The following ADI1 variants were observed in gnomAD, a reference collection of about 807,000 sequenced individuals.
The protein encoded by ADI1 is acireductone dioxygenase 1.
Under a neutral mutation model 18.7 loss-of-function variants are expected in ADI1, and 21 were observed. The ratio of observed to expected loss-of-function variants is 1.13; its 90% CI spans 0.80 to 1.62. ADI1 has a LOEUF of 1.62. Among genes scored for constraint, ADI1 ranks in the 40% most tolerant of loss-of-function variants. ADI1 has a pLI of 0.00. For missense variants in ADI1, 245 were observed against 254.9 expected (o/e 0.96, Z 0.26); for synonymous variants, 90 against 100.1 (o/e 0.90, Z 0.60).
chr2:3,514,199 C>T lies in ADI1; in HGVS notation c.121-223G>A, dbSNP rs112951619. ...TGGAGTTCTGTTTGATTTCTGCCTC[C>T]CTTCTCTGCAACAGTCCATCCCAGG... On this transcript the variant is annotated intron_variant, in intron 1 of 3. Coordinates refer to ENST00000327435, the MANE Select transcript of ADI1 (RefSeq NM_018269.4). Among the ~76,000 whole-genome samples the T allele has an allele frequency of 8.8e-3, 1,338 of 152,310 alleles. 18 individuals are homozygous for T. Among genetic ancestry groups the T allele is most frequent in the African/African-American group, 0.03 (1,257 of 41,568 alleles).
chr2:3,499,369 G>C (rs113513308), intron 3 of ADI1, among the ~76,000 whole-genome samples: 2,475 of 152,272 alleles, frequency 0.016, 67 homozygotes, highest in African/African-American at 0.054. Context: ...ACACAGTCAG[G>C]AAAAGCACTG....
At chr2:3,506,641 G>A (rs1667183088) in intron 2 of ADI1, among the ~76,000 whole-genome samples, 1 of 152,162 alleles carries the variant, frequency 6.6e-6, no homozygotes, top group Non-Finnish European at 1.5e-5. Flanking sequence ...TATAGGTTCA[G>A]TACAATCCAA....
intron 1 of ADI1, among the ~76,000 whole-genome samples, chr2:3,514,278 C>A (rs541112006): frequency 1.8e-4 from 28 of 152,322 alleles, no homozygotes; most frequent in African/African-American, 6.7e-4. Flanking sequence ...GCCTTTCTGT[C>A]CACTCCACAG....
intron 2 of ADI1, among the ~76,000 whole-genome samples, chr2:3,506,614 T>C (rs1042855572): frequency 7.2e-5 from 11 of 152,236 alleles, no homozygotes; most frequent in Non-Finnish European, 1.5e-4. Flanking sequence ...AAGATGTCCA[T>C]TTTTCCAAAC....
At position 3,498,946 on chromosome 2, in the gene ADI1, G is replaced by T. The variant is rs760815269; in HGVS notation, c.*17C>A. 1 of 1,599,960 alleles carries T rather than the reference G, an allele frequency of 6.3e-7. No individual in the cohort carries two copies. The highest frequency in any genetic ancestry group is 8.6e-7 in the Non-Finnish European group (1 of 1,169,352). ...GGGGACCTTTACGAGGCACGTGTTA[G>T]TTCCCAGGCAGCACTGCTAGGCGGT... is the stretch of plus-strand genomic sequence containing the variant. On this transcript the variant is annotated 3_prime_UTR_variant, in exon 4 of 4. Coordinates refer to ENST00000327435, the MANE Select transcript of ADI1 (RefSeq NM_018269.4).
At chr2:3,516,570 A>AT (rs1667414974) in intron 1 of ADI1, 1 of 283,246 alleles carries the variant, frequency 3.5e-6, no homozygotes, top group South Asian at 1.4e-4. Context: ...ATGGCCGTCT[A>AT]TGAGGACAGG....
Position 3,497,953 on chromosome 2 carries a change from A to G in ADI1, c.*1010T>C, listed in dbSNP as rs1183406595. 1 of 152,236 alleles carries G rather than the reference A, an allele frequency of 6.6e-6. No individual in the cohort carries two copies. Among genetic ancestry groups the G allele is most frequent in the Non-Finnish European group, 1.5e-5 (1 of 68,034 alleles). 9.4% of individuals were successfully genotyped at this position (152,236 alleles called of 1,614,324 possible). ...CAGCACTTATTTTAATTACTGAGAT[A>G]GAGTCACACTTGACAGAAGCAAGCC... On this transcript the variant is annotated 3_prime_UTR_variant, in exon 4 of 4. Coordinates refer to ENST00000327435, the MANE Select transcript of ADI1 (RefSeq NM_018269.4).
At chr2:3,514,222 A>G (rs569360398) in intron 1 of ADI1, among the ~76,000 whole-genome samples, 1 of 152,262 alleles carries the variant, frequency 6.6e-6, no homozygotes, top group African/African-American at 2.4e-5. Flanking sequence ...AGTCCATCCC[A>G]GGGGATTCTT....
At chr2:3,505,292 C>T (rs1406098478) in intron 2 of ADI1, among the ~76,000 whole-genome samples, 1 of 152,036 alleles carries the variant, frequency 6.6e-6, no homozygotes, top group East Asian at 1.9e-4. Context: ...ACTGGAGAGA[C>T]AGGCAGACAG....
In ADI1 at chr2:3,519,498, G is replaced by A. The variant is rs762775688; in HGVS notation, c.-11C>T. The A allele has an allele frequency of 2.0e-5, 25 of 1,277,046 alleles. No individual in the cohort carries two copies. Among genetic ancestry groups the A allele is most frequent in the South Asian group, 5.3e-5 (2 of 37,726 alleles). 79.1% of individuals were successfully genotyped at this position (1,277,046 alleles called of 1,614,324 possible). On this transcript the variant is annotated 5_prime_UTR_variant, in exon 1 of 4. Coordinates refer to ENST00000327435, the MANE Select transcript of ADI1 (RefSeq NM_018269.4). The stretch of plus-strand genomic sequence containing the variant: ...CCAGGCCTGCACCATGACGCGCAGT[G>A]CGGGTGCCGTGTTCGAACCCAGGGG...
chr2:3,516,058 G>C (rs1367350523), intron 1 of ADI1: 1 of 981,552 alleles, frequency 1.0e-6, no homozygotes, highest in African/African-American at 1.7e-5. Flanking sequence ...CACATTATAT[G>C]ACACGTGTCA....
chr2:3,499,921 C>T (rs1232767382), intron 3 of ADI1, among the ~76,000 whole-genome samples: 3 of 152,090 alleles, frequency 2.0e-5, no homozygotes, highest in African/African-American at 4.8e-5. Flanking sequence ...AAAAATTAGC[C>T]GGGCGTGGTG....
chr2:3,500,690 C>T (rs1322830736), intron 3 of ADI1, 124 bp downstream of exon 3: 18 of 1,257,928 alleles, frequency 1.4e-5, no homozygotes, highest in Admixed American at 1.9e-5. Flanking sequence ...AAGCACAGGT[C>T]GAGGAGTCCC....
At chr2:3,519,020 C>T (rs1053858372) in intron 1 of ADI1, among the ~76,000 whole-genome samples, 1 of 152,018 alleles carries the variant, frequency 6.6e-6, no homozygotes, top group East Asian at 1.9e-4. Context: ...GCGCAGCCCA[C>T]CCCAGGCGCC....
intron 1 of ADI1, 166 bp downstream of exon 1, chr2:3,519,202 A>C: frequency 3.8e-6 from 4 of 1,065,994 alleles, no homozygotes; most frequent in Non-Finnish European, 4.9e-6. Flanking sequence ...TGCGCAGCCC[A>C]CCCCAGGCAC....
At chr2:3,499,996 T>C (rs11127433) in intron 3 of ADI1, among the ~76,000 whole-genome samples, 45,197 of 148,152 alleles carry the variant, frequency 0.31, 9,783 homozygotes, top group African/African-American at 0.62. Flanking sequence ...GCTTGGGAGG[T>C]GGAGGTTGCA....
chr2:3,506,178 GACT>G (rs1244271796), intron 2 of ADI1, among the ~76,000 whole-genome samples: 1 of 152,188 alleles, frequency 6.6e-6, no homozygotes, highest in Non-Finnish European at 1.5e-5. Flanking sequence ...GGCACAGGCT[GACT>G]ACAAGACTGA....
chr2:3,500,174 A>G (rs1666962037), intron 3 of ADI1, among the ~76,000 whole-genome samples: 1 of 152,124 alleles, frequency 6.6e-6, no homozygotes, highest in South Asian at 2.1e-4. Context: ...AGGGAGAGAA[A>G]CTGGGAGGCT....
rs1188667265 is a variant in ADI1, at chr2:3,499,027, T to A, written c.476A>T (p.Asn159Ile). Reference sequence around the variant, plus strand: ...GGCTTCAAAATGGTCAGCGGGCCGGTTGTACGCTGTCCACACCGGTTCTCC... The same window carrying A: ...GGCTTCAAAATGGTCAGCGGGCCGGATGTACGCTGTCCACACCGGTTCTCC... ...FVGEPVWTAY[N>I]RPADHFEARG... Residue 159 changes from asparagine (N) to isoleucine (I), a missense_variant, in exon 4 of 4, where the codon AAC (asparagine) becomes ATC (isoleucine). Coordinates refer to ENST00000327435, the MANE Select transcript of ADI1 (RefSeq NM_018269.4). 5 of 1,614,032 alleles carry A rather than the reference T, an allele frequency of 3.1e-6. No individual in the cohort carries two copies. In the South Asian group the frequency reaches 5.5e-5, roughly 18 times the overall value.
Sources: allele counts gnomAD v4.1 joint callset (sites outside exome capture counted in the v4.1 genomes callset), GRCh38; gene constraint gnomAD v4.1.1; transcripts MANE v1.5; gene names NCBI Gene and HGNC (gene_info 2026-07-23, HGNC 2026-07-21).